NKAIN2: variants seen among roughly 807,000 people sequenced by gnomAD.
The protein encoded by NKAIN2 is sodium/potassium-transporting ATPase subunit beta-1-interacting protein 2.
In NKAIN2, 14 loss-of-function variants were observed where a neutral mutation model predicts 32.6. The ratio of observed to expected loss-of-function variants is 0.43; its 90% CI spans 0.28 to 0.67. The LOEUF (loss-of-function observed/expected upper bound fraction) is 0.67. NKAIN2 is among the 30% of genes least tolerant of loss of function. The pLI is 0.17. For missense variants in NKAIN2, 198 were observed against 258.3 expected, an observed-to-expected ratio of 0.77 and a Z score of 1.60; for synonymous variants, 80 against 87.2, an observed-to-expected ratio of 0.92 and a Z score of 0.46.
At chr6:124,384,592 C>T (rs143775173) in intron 3 of NKAIN2, among the ~76,000 whole-genome samples, 2 of 151,480 alleles carry the variant, frequency 1.3e-5, no homozygotes, top group Admixed American at 1.3e-4. Context: ...TTGTGATACA[C>T]AATTGCTTAC....
At position 124,607,788 on chromosome 6, in the gene NKAIN2, A is replaced by G. The variant is rs1462200466; in HGVS notation, c.274-50398A>G. 5.3e-5 allele frequency among the ~76,000 whole-genome samples: 8 copies of G among 152,250 alleles called. No homozygotes were observed. The Middle Eastern group carries it at 0.01, about 194-fold the overall frequency. ...TTACAATGGTACAAAAATGATATGTATTCAGTAGAAACTGTACTTTGAATA... is the reference window on the plus strand; with the variant it reads ...TTACAATGGTACAAAAATGATATGTGTTCAGTAGAAACTGTACTTTGAATA... On this transcript the variant is annotated intron_variant, in intron 3 of 6. Transcript: ENST00000368417.
At chr6:124,150,557 T>A (rs1020947980) in intron 1 of NKAIN2, among the ~76,000 whole-genome samples, 8 of 152,304 alleles carry the variant, frequency 5.3e-5, no homozygotes, top group Non-Finnish European at 1.0e-4. Context: ...TCCATTGTAA[T>A]GATGAATTAC....
At chr6:124,823,145 A>T (rs1781458779) in intron 6 of NKAIN2, 75 bp from the exon 7 acceptor site, 1 of 977,562 alleles carries the variant, frequency 1.0e-6, no homozygotes, top group Non-Finnish European at 1.7e-6. Flanking sequence ...GTGCTTGGAA[A>T]GGTGAGAAAA....
chr6:124,309,262 G>A (rs1446238276), intron 2 of NKAIN2, among the ~76,000 whole-genome samples: 1 of 151,996 alleles, frequency 6.6e-6, no homozygotes, highest in Non-Finnish European at 1.5e-5. Flanking sequence ...CTTTAAAATT[G>A]GTGTAAAAGA....
At chr6:124,251,791 C>T (rs1793701001) in intron 1 of NKAIN2, among the ~76,000 whole-genome samples, 1 of 151,722 alleles carries the variant, frequency 6.6e-6, no homozygotes, top group Non-Finnish European at 1.5e-5. Flanking sequence ...TTGATAGAAC[C>T]CTTTGGAAAA....
intron 1 of NKAIN2, among the ~76,000 whole-genome samples, chr6:123,820,939 T>G (rs1019058370): frequency 6.6e-6 from 1 of 152,140 alleles, no homozygotes. Context: ...TAGGCCTCAT[T>G]CAAGAAACAA....
intron 3 of NKAIN2, among the ~76,000 whole-genome samples, chr6:124,598,214 C>G (rs1287910104): frequency 6.6e-6 from 1 of 152,048 alleles, no homozygotes; most frequent in African/African-American, 2.4e-5. Context: ...ATTAGAATGC[C>G]TCTATGTTTT....
chr6:124,074,460 A>G (rs1783599385), intron 1 of NKAIN2, among the ~76,000 whole-genome samples: 1 of 152,206 alleles, frequency 6.6e-6, no homozygotes, highest in Admixed American at 6.5e-5. Flanking sequence ...TTTCAAGGAC[A>G]GCACTTTCAG....
chr6:124,609,995 A>G (rs1292829827), intron 3 of NKAIN2, among the ~76,000 whole-genome samples: 2 of 152,134 alleles, frequency 1.3e-5, no homozygotes, highest in East Asian at 3.9e-4. Flanking sequence ...GAGAGTTGTA[A>G]CTATATAGTA....
chr6:124,263,679 CCGTATCATCTATGCTACTAT>C (rs1794353894), intron 1 of NKAIN2, among the ~76,000 whole-genome samples: 1 of 151,760 alleles, frequency 6.6e-6, no homozygotes, highest in African/African-American at 2.4e-5. Flanking sequence ...TGTTTGTAAA[CCGTATCATCTATGCTACTAT>C]AAATGTTTGT....
At chr6:124,599,146 T>G (rs1782211378) in intron 3 of NKAIN2, among the ~76,000 whole-genome samples, 1 of 151,946 alleles carries the variant, frequency 6.6e-6, no homozygotes, top group Admixed American at 6.6e-5. Context: ...AACCTAATGA[T>G]TACTTCCTGT....
At chr6:124,064,897 G>C (rs551306445) in intron 1 of NKAIN2, among the ~76,000 whole-genome samples, 13 of 152,028 alleles carry the variant, frequency 8.6e-5, no homozygotes, top group Admixed American at 3.9e-4. Flanking sequence ...TTCCTGCTGG[G>C]TTATCTGCCT....
chr6:124,337,150 C>T (rs1269435396), intron 2 of NKAIN2, among the ~76,000 whole-genome samples: 3 of 152,012 alleles, frequency 2.0e-5, no homozygotes, highest in Admixed American at 2.0e-4. Context: ...GATGTACCAT[C>T]AATAAATTTA....
intron 3 of NKAIN2, among the ~76,000 whole-genome samples, chr6:124,561,072 G>T (rs185795738): frequency 7.9e-6 from 1 of 126,550 alleles, no homozygotes; most frequent in South Asian, 2.9e-4. Context: ...CATCAGCCCT[G>T]ATGTGAGTCA....
chr6:124,658,338 G>A lies in NKAIN2; in HGVS notation c.426G>A (p.Glu142=), dbSNP rs375311962. Residue 142 remains glutamate, a synonymous_variant, in exon 4 of 7, where the codon GAG becomes GAA. Coordinates refer to ENST00000368417, the MANE Select transcript of NKAIN2 (RefSeq NM_001040214.3). ...RYITVSGCLL[E]YQYIEVAHSS... is the part of the protein sequence containing the mutation. ...TCACGGTCTCAGGGTGTTTGCTGGAGTACCAGTACATAGAAGTGGCTCATA... is the reference window on the plus strand; with the variant it reads ...TCACGGTCTCAGGGTGTTTGCTGGAATACCAGTACATAGAAGTGGCTCATA... 3.1e-6 allele frequency: 5 copies of A among 1,614,014 alleles called. No homozygotes were observed. The African/African-American group carries it at 6.7e-5, about 22-fold the overall frequency.
intron 1 of NKAIN2, among the ~76,000 whole-genome samples, chr6:124,047,422 G>C (rs983401323): frequency 2.0e-5 from 3 of 151,390 alleles, no homozygotes; most frequent in Non-Finnish European, 2.9e-5. Context: ...AATAAAGTGA[G>C]GGAAATTTAC....
chr6:124,106,744 T>A (rs1582655549), intron 1 of NKAIN2, among the ~76,000 whole-genome samples: 1 of 152,378 alleles, frequency 6.6e-6, no homozygotes, highest in East Asian at 1.9e-4. Context: ...TGATCATATT[T>A]ATGCTCTATC....
intron 2 of NKAIN2, among the ~76,000 whole-genome samples, chr6:124,343,853 AT>A (rs1395114389): frequency 1.4e-5 from 2 of 140,056 alleles, no homozygotes; most frequent in Admixed American, 7.3e-5. Context: ...CCATTTGTCA[AT>A]TTTGGCTTTT....
intron 1 of NKAIN2, among the ~76,000 whole-genome samples, chr6:124,133,695 C>A (rs1358983170): frequency 6.6e-6 from 1 of 152,110 alleles, no homozygotes; most frequent in Non-Finnish European, 1.5e-5. Context: ...TGAACTTACC[C>A]ACACTTCAAG....
Sources: allele counts gnomAD v4.1 joint callset (sites outside exome capture counted in the v4.1 genomes callset), GRCh38; gene constraint gnomAD v4.1.1; transcripts MANE v1.5; gene names NCBI Gene and HGNC (gene_info 2026-07-23, HGNC 2026-07-21).